The following TMEM117 variants were observed in gnomAD, a reference collection of about 807,000 sequenced individuals.
TMEM117 encodes the protein transmembrane protein 117.
A neutral mutation model predicts 52.4 loss-of-function variants in TMEM117; 27 were observed. The observed-to-expected ratio is 0.51, with a 90% CI of 0.38 to 0.71. The LOEUF (loss-of-function observed/expected upper bound fraction) is 0.71. Ranked by LOEUF, TMEM117 falls within the 30% of genes least tolerant of loss-of-function variation. The probability of loss-of-function intolerance (pLI) is 0.00; values close to 1 mark genes in which losing one functional copy is unlikely to be tolerated. For missense variants in TMEM117, 556 were observed against 630.5 expected, an observed-to-expected ratio of 0.88 and a Z score of 1.26; for synonymous variants, 215 against 206.3, an observed-to-expected ratio of 1.04 and a Z score of -0.36.
intron 4 of TMEM117, among the ~76,000 whole-genome samples, chr12:44,168,135 TC>T (rs549768241): frequency 1.3e-5 from 2 of 151,658 alleles, no homozygotes; most frequent in South Asian, 4.2e-4. Flanking sequence ...GTGCCTGTAG[TC>T]CCAGCTACTC....
intron 2 of TMEM117, among the ~76,000 whole-genome samples, chr12:43,918,903 A>C (rs1447341368): frequency 6.6e-6 from 1 of 152,206 alleles, no homozygotes; most frequent in Non-Finnish European, 1.5e-5. Context: ...CTGCACTTGA[A>C]GTTTTCTCAT....
chr12:44,154,269 A>G (rs1489114494), intron 4 of TMEM117, among the ~76,000 whole-genome samples: 1 of 152,110 alleles, frequency 6.6e-6, no homozygotes, highest in Non-Finnish European at 1.5e-5. Context: ...AACAGAAGAT[A>G]AAGTCCACAT....
chr12:44,270,802 G>A (rs1167767652), intron 5 of TMEM117, among the ~76,000 whole-genome samples: 1 of 151,980 alleles, frequency 6.6e-6, no homozygotes, highest in Non-Finnish European at 1.5e-5. Context: ...TATCCCAATT[G>A]TACTGAGGGT....
At chr12:44,337,760 A>G (rs1951360711) in intron 6 of TMEM117, among the ~76,000 whole-genome samples, 1 of 152,126 alleles carries the variant, frequency 6.6e-6, no homozygotes, top group Admixed American at 6.6e-5. Flanking sequence ...TTTTCACATT[A>G]AAATGCATAT....
At chr12:44,068,230 G>A (rs773335641) in intron 3 of TMEM117, among the ~76,000 whole-genome samples, 1 of 152,204 alleles carries the variant, frequency 6.6e-6, no homozygotes, top group African/African-American at 2.4e-5. Context: ...CTCCAAATCA[G>A]CAAGAGGCTA....
At chr12:43,840,827 A>G (rs1373990532) in intron 1 of TMEM117, among the ~76,000 whole-genome samples, 1 of 152,322 alleles carries the variant, frequency 6.6e-6, no homozygotes, top group African/African-American at 2.4e-5. Flanking sequence ...TTTGCAGACT[A>G]TGTGCCCTGT....
chr12:43,799,619 T>C, the TMEM117 span: 2 of 538,554 alleles, frequency 3.7e-6, no homozygotes, highest in Non-Finnish European at 6.2e-6. Context: ...ATAAATAGCA[T>C]TATGAATTTT....
intron 6 of TMEM117, among the ~76,000 whole-genome samples, chr12:44,350,654 T>A (rs1274282995): frequency 6.6e-6 from 1 of 152,010 alleles, no homozygotes; most frequent in African/African-American, 2.4e-5. Flanking sequence ...TCACTTAACA[T>A]AATGACCCCC....
rs1555150185 is a variant in TMEM117 at position 44,311,761 on chromosome 12, A to ATATATG, written c.768+12027_768+12028insGTATAT. 4.8e-4 allele frequency among the ~76,000 whole-genome samples: 59 copies of ATATATG among 122,126 alleles called. 2 individuals are homozygous for ATATATG. The highest frequency in any genetic ancestry group is 2.2e-3 in the African/African-American group (54 of 24,680). The allele number at this position is 122,126 out of a possible 152,430, so 80.1% of individuals were successfully genotyped here. A position where few individuals can be genotyped will look rare whatever the true frequency, so the allele number is the denominator to read the frequency against. On this transcript the variant is annotated intron_variant, in intron 6 of 7. Coordinates refer to ENST00000266534, the MANE Select transcript of TMEM117 (RefSeq NM_032256.3). ...TATGTATATATGTGTATATATGTAT[A>ATATATG]TATATATGTATATATGTGTATATAT...
At chr12:43,847,642 C>T (rs1028015808) in intron 2 of TMEM117, among the ~76,000 whole-genome samples, 1 of 152,126 alleles carries the variant, frequency 6.6e-6, no homozygotes, top group African/African-American at 2.4e-5. Flanking sequence ...TTTGAGAGCT[C>T]AGTCATCCAG....
intron 2 of TMEM117, among the ~76,000 whole-genome samples, chr12:43,930,459 G>A (rs186770080): frequency 2.2e-4 from 33 of 152,282 alleles, no homozygotes; most frequent in African/African-American, 7.2e-4. Flanking sequence ...CTAAGCCACA[G>A]TTTTCCATAT....
At chr12:44,348,392 T>G (rs1017987575) in intron 6 of TMEM117, among the ~76,000 whole-genome samples, 1 of 151,872 alleles carries the variant, frequency 6.6e-6, no homozygotes, top group Non-Finnish European at 1.5e-5. Flanking sequence ...ATTTTGACCC[T>G]TCCTGCCATC....
the TMEM117 span, among the ~76,000 whole-genome samples, chr12:44,398,540 C>T: frequency 1.1e-4 from 16 of 152,104 alleles, no homozygotes; most frequent in Non-Finnish European, 1.8e-4. Flanking sequence ...AGACAAGAGA[C>T]CAGGCTGTAT....
chr12:43,992,996 C>T (rs1216191402), intron 3 of TMEM117, among the ~76,000 whole-genome samples: 2 of 152,146 alleles, frequency 1.3e-5, no homozygotes, highest in South Asian at 2.1e-4. Context: ...TAACAATACA[C>T]AGCAGTGTGG....
intron 5 of TMEM117, among the ~76,000 whole-genome samples, chr12:44,280,738 C>T (rs2138593296): frequency 6.6e-6 from 1 of 151,744 alleles, no homozygotes; most frequent in African/African-American, 2.4e-5. Flanking sequence ...GCCTACATGA[C>T]AATATAACTT....
At chr12:44,205,522 GT>G (rs1949553314) in intron 4 of TMEM117, among the ~76,000 whole-genome samples, 1 of 151,934 alleles carries the variant, frequency 6.6e-6, no homozygotes, top group South Asian at 2.1e-4. Flanking sequence ...CAAAGGTCTG[GT>G]AGCCAGAATT....
At chr12:43,931,704 A>G (rs1209855871) in intron 2 of TMEM117, among the ~76,000 whole-genome samples, 1 of 152,136 alleles carries the variant, frequency 6.6e-6, no homozygotes, top group Non-Finnish European at 1.5e-5. Flanking sequence ...GAGTTTAGTG[A>G]ATTTTTACTT....
At chr12:43,797,284 A>C in the TMEM117 span, 1 of 1,565,176 alleles carries the variant, frequency 6.4e-7, no homozygotes, top group Non-Finnish European at 8.6e-7. Context: ...AATGTGTTAA[A>C]AACAATGTAT....
chr12:44,017,441 G>T (rs1325087906), intron 3 of TMEM117, among the ~76,000 whole-genome samples: 1 of 147,572 alleles, frequency 6.8e-6, no homozygotes, highest in African/African-American at 2.5e-5. Flanking sequence ...AATCTTATAT[G>T]ATTTCTAAAA....
Sources: allele counts gnomAD v4.1 joint callset (sites outside exome capture counted in the v4.1 genomes callset), GRCh38; gene constraint gnomAD v4.1.1; transcripts MANE v1.5; gene names NCBI Gene and HGNC (gene_info 2026-07-23, HGNC 2026-07-21).